The following CDH13 variants were observed in gnomAD, a reference collection of about 807,000 sequenced individuals.
CDH13 encodes cadherin-13.
CDH13 carries 24 observed loss-of-function variants against 63.8 expected under a neutral mutation model. The observed-to-expected ratio is 0.38, with a 90% confidence interval of 0.27 to 0.53. CDH13 has a LOEUF of 0.53. Among genes scored for constraint, CDH13 ranks in the 20% least tolerant of loss-of-function variants. The pLI, the probability that CDH13 is intolerant of heterozygous loss-of-function variation, is 0.85. For missense variants in CDH13, 1,049 were observed against 903.1 expected, an observed-to-expected ratio of 1.16 and a Z score of -2.07; for synonymous variants, 503 against 355.3, an observed-to-expected ratio of 1.42 and a Z score of -4.67.
chr16:83,412,695 C>T (rs919284799), intron 6 of CDH13, among the ~76,000 whole-genome samples: 3 of 152,148 alleles, frequency 2.0e-5, no homozygotes, highest in Non-Finnish European at 4.4e-5. Context: ...GTATGCACTA[C>T]TCAAAATGTT....
At chr16:83,109,996 C>T (rs900146544) in intron 3 of CDH13, among the ~76,000 whole-genome samples, 2 of 152,162 alleles carry the variant, frequency 1.3e-5, no homozygotes, top group Non-Finnish European at 2.9e-5. Context: ...AATTTTCATC[C>T]AAAGCGTATG....
intron 8 of CDH13, among the ~76,000 whole-genome samples, chr16:83,648,571 T>G (rs971776798): frequency 1.3e-5 from 2 of 152,084 alleles, no homozygotes; most frequent in Admixed American, 6.6e-5. Flanking sequence ...CACTGGAGGC[T>G]TCAACCACTG....
intron 5 of CDH13, among the ~76,000 whole-genome samples, chr16:83,287,222 C>G (rs1414534568): frequency 3.3e-5 from 5 of 152,218 alleles, no homozygotes; most frequent in Non-Finnish European, 5.9e-5. Flanking sequence ...GACCTGATCA[C>G]TGGCAGAACC....
At chr16:83,167,772 A>G (rs543700719) in intron 4 of CDH13, among the ~76,000 whole-genome samples, 6 of 152,008 alleles carry the variant, frequency 3.9e-5, no homozygotes, top group Admixed American at 1.3e-4. Flanking sequence ...CTGGATAGAC[A>G]TAATAGCAAA....
At chr16:83,716,303 G>T (rs752141963) in intron 10 of CDH13, among the ~76,000 whole-genome samples, 1 of 152,084 alleles carries the variant, frequency 6.6e-6, no homozygotes, top group Non-Finnish European at 1.5e-5. Flanking sequence ...GCAAATTAGG[G>T]TTCCCTTTTG....
intron 6 of CDH13, among the ~76,000 whole-genome samples, chr16:83,468,610 C>T (rs1302511300): frequency 1.3e-5 from 2 of 152,164 alleles, no homozygotes; most frequent in African/African-American, 2.4e-5. Context: ...TTGTGTGAGG[C>T]GTAGGGCAAA....
At chr16:83,516,640 T>G (rs1320054167) in intron 7 of CDH13, among the ~76,000 whole-genome samples, 1 of 152,236 alleles carries the variant, frequency 6.6e-6, no homozygotes, top group Non-Finnish European at 1.5e-5. Flanking sequence ...GTTCTCCCTC[T>G]TATTTATAAA....
chr16:82,976,377 C>A (rs747429078), intron 2 of CDH13, among the ~76,000 whole-genome samples: 4 of 152,188 alleles, frequency 2.6e-5, no homozygotes, highest in Non-Finnish European at 4.4e-5. Flanking sequence ...ATGTATCTCA[C>A]TCAACTGTAA....
chr16:83,707,282 G>C (rs116154325), intron 10 of CDH13, among the ~76,000 whole-genome samples: 2,244 of 152,254 alleles, frequency 0.015, 49 homozygotes, highest in African/African-American at 0.048. Context: ...CACTTTCGGT[G>C]AGTAGGAAGT....
chr16:83,449,330 G>C (rs2072812829), intron 6 of CDH13, among the ~76,000 whole-genome samples: 1 of 152,142 alleles, frequency 6.6e-6, no homozygotes, highest in South Asian at 2.1e-4. Flanking sequence ...ATGGTACCAA[G>C]AGGAAAACAA....
intron 1 of CDH13, among the ~76,000 whole-genome samples, chr16:82,789,778 C>A (rs1276462480): frequency 6.6e-6 from 1 of 152,138 alleles, no homozygotes; most frequent in African/African-American, 2.4e-5. Context: ...GTTCCTAGGT[C>A]CTGTGTTCAG....
At chr16:83,615,858 G>C (rs1909237688) in intron 8 of CDH13, among the ~76,000 whole-genome samples, 1 of 152,176 alleles carries the variant, frequency 6.6e-6, no homozygotes, top group Non-Finnish European at 1.5e-5. Context: ...AGAGAGGTTT[G>C]CTGCAAAACC....
intron 1 of CDH13, among the ~76,000 whole-genome samples, chr16:82,759,369 C>T (rs915002342): frequency 2.6e-5 from 4 of 152,134 alleles, no homozygotes; most frequent in African/African-American, 9.7e-5. Context: ...TAAAATACTA[C>T]ACCCATTTTA....
At chr16:83,531,472 T>C (rs969277477) in intron 7 of CDH13, among the ~76,000 whole-genome samples, 1 of 152,120 alleles carries the variant, frequency 6.6e-6, no homozygotes, top group African/African-American at 2.4e-5. Context: ...AGATGAGGGG[T>C]GAGGGGCTTA....
Position 83,497,707 on chromosome 16 carries a change from G to A in CDH13, c.960+11052G>A, listed in dbSNP as rs542806385. Among the ~76,000 whole-genome samples the A allele has an allele frequency of 2.6e-4, 40 of 152,172 alleles. 1 individual carries two copies. The highest frequency in any genetic ancestry group is 1.5e-3 in the South Asian group (7 of 4,818). ...ATAAAAAGCATTTTAAAGCTCATGCGTCATCAAAACATAGACAGCAGGCTG... is the reference window on the plus strand; with the variant it reads ...ATAAAAAGCATTTTAAAGCTCATGCATCATCAAAACATAGACAGCAGGCTG... On this transcript the variant is annotated intron_variant, in intron 7 of 13. Coordinates refer to ENST00000567109, the MANE Select transcript of CDH13 (RefSeq NM_001257.5).
chr16:83,128,703 T>A (rs144324653), intron 4 of CDH13, among the ~76,000 whole-genome samples: 2,416 of 152,324 alleles, frequency 0.016, 78 homozygotes, highest in African/African-American at 0.054. Context: ...CAAGCCTCTT[T>A]TCTTGAGCTA....
At chr16:83,621,089 C>T (rs1389926620) in intron 8 of CDH13, among the ~76,000 whole-genome samples, 4 of 152,122 alleles carry the variant, frequency 2.6e-5, no homozygotes, top group Non-Finnish European at 4.4e-5. Flanking sequence ...ATACCCCTTT[C>T]GTGGGTATGG....
At chr16:83,369,491 T>C (rs1244879716) in intron 6 of CDH13, among the ~76,000 whole-genome samples, 2 of 152,144 alleles carry the variant, frequency 1.3e-5, no homozygotes, top group Admixed American at 1.3e-4. Context: ...CAGTCATGGC[T>C]CACTGCAGCA....
Position 82,858,428 on chromosome 16 carries a change from A to T in CDH13, c.112A>T (p.Ile38Phe), listed in dbSNP as rs766146180. 1 of 1,613,788 alleles carries T rather than the reference A, an allele frequency of 6.2e-7. No individual in the cohort carries two copies. Among genetic ancestry groups the T allele is most frequent in the Non-Finnish European group, 8.5e-7 (1 of 1,179,650 alleles). ...TGGATTTCAGCAGAAAGTGTTCCAT[A>T]TCAATCAGCCAGCTGAATTCATTGA... is the stretch of plus-strand genomic sequence containing the variant. ...TPGFQQKVFH[I>F]NQPAEFIEDQ... Residue 38 changes from isoleucine (I) to phenylalanine (F), a missense_variant, in exon 2 of 14, where the codon ATC (isoleucine) becomes TTC (phenylalanine). Physicochemically the swap from Ile to Phe is conservative, Grantham distance 21. Transcript: ENST00000567109.
Sources: gnomAD v4.1 joint callset for allele counts (sites outside exome capture counted in the v4.1 genomes callset) on GRCh38, gnomAD v4.1.1 for gene constraint, MANE v1.5 for transcripts, NCBI Gene and HGNC (gene_info 2026-07-23, HGNC 2026-07-21) for gene names.